The following MERTK variants were observed in gnomAD, a reference collection of about 807,000 sequenced individuals.
MERTK encodes MER proto-oncogene, tyrosine kinase, also known as tyrosine-protein kinase Mer.
A neutral mutation model predicts 99.3 loss-of-function variants in MERTK; 69 were observed. The ratio of observed to expected loss-of-function variants is 0.70; its 90% CI spans 0.57 to 0.85. The LOEUF is 0.85. Ranked by LOEUF, MERTK falls within the 40% of genes least tolerant of loss-of-function variation. The pLI is 0.00. For synonymous variants in MERTK, 426 were observed against 467.6 expected, an observed-to-expected ratio of 0.91 and a Z score of 1.15; for missense variants, 1,125 against 1,249.4, an observed-to-expected ratio of 0.90 and a Z score of 1.50.
At chr2:111,947,297 A>AAAAATT in intron 3 of MERTK, 97 bp from the exon 4 acceptor site, 2 of 1,222,120 alleles carry the variant, frequency 1.6e-6, no homozygotes, top group Non-Finnish European at 2.4e-6. Flanking sequence ...AAAAAAAGAA[A>AAAAATT]TCTATTGCCA....
intron 2 of MERTK, among the ~76,000 whole-genome samples, chr2:111,931,470 G>A (rs1396458783): frequency 1.6e-4 from 24 of 152,136 alleles, no homozygotes; most frequent in Admixed American, 1.5e-3. Flanking sequence ...GGCGGATCAC[G>A]AGGTCAAGAG....
chr2:111,976,522 CTGTGTGTGTGTGTGTGTGTGTGTGTG>C (rs70962971), intron 7 of MERTK, among the ~76,000 whole-genome samples: 129 of 136,786 alleles, frequency 9.4e-4, no homozygotes, highest in African/African-American at 3.5e-3. Context: ...TGACAAAAAC[CTGTGTGTGTGTGTGTGTGTGTGTGTG>C]TGTGTGTGTG....
At chr2:111,926,930 G>A (rs2104683982) in intron 1 of MERTK, among the ~76,000 whole-genome samples, 1 of 152,310 alleles carries the variant, frequency 6.6e-6, no homozygotes, top group South Asian at 2.1e-4. Context: ...TGAGTGACTG[G>A]AGAGGCAATG....
chr2:111,925,308 T>A (rs1684541173), intron 1 of MERTK, among the ~76,000 whole-genome samples: 1 of 76,450 alleles, frequency 1.3e-5, no homozygotes, highest in Non-Finnish European at 2.9e-5. Flanking sequence ...TTTTTTTTTT[T>A]TTTTTTTTTT....
In MERTK at chr2:111,947,333, T is replaced by G. The variant is rs998081062; in HGVS notation, c.584-61T>G. On this transcript the variant is annotated intron_variant, in intron 3 of 18. Transcript: ENST00000295408. ...AGTTCTAGTCCAGTTTCCATTCCCC[T>G]TTGGGCTCTGTCTCTGTTTTCAGAT... is the stretch of plus-strand genomic sequence containing the variant. 4 of 1,373,142 alleles carry G rather than the reference T, an allele frequency of 2.9e-6. 1 individual carries two copies. The highest frequency in any genetic ancestry group is 3.8e-5 in the Admixed American group (2 of 52,192). The allele number at this position is 1,373,142 out of a possible 1,614,324, so 85.1% of individuals were successfully genotyped here.
chr2:111,906,363 G>A (rs1684136593), intron 1 of MERTK, among the ~76,000 whole-genome samples: 1 of 152,218 alleles, frequency 6.6e-6, no homozygotes, highest in Admixed American at 6.5e-5. Context: ...TTTGGAGAAG[G>A]AATTGTTTTG....
chr2:111,988,103 G>A (rs975832648), intron 8 of MERTK, among the ~76,000 whole-genome samples: 20 of 151,748 alleles, frequency 1.3e-4, no homozygotes, highest in Non-Finnish European at 1.0e-4. Context: ...GTTCTTTGGA[G>A]ACTCAGGGAA....
intron 4 of MERTK, among the ~76,000 whole-genome samples, chr2:111,956,012 A>G (rs946959812): frequency 6.6e-5 from 10 of 152,020 alleles, no homozygotes; most frequent in Admixed American, 4.6e-4. Flanking sequence ...AGATATACCT[A>G]ATGTAAATGA....
chr2:111,993,788 G>A (rs1160948395), intron 8 of MERTK, among the ~76,000 whole-genome samples: 2 of 152,294 alleles, frequency 1.3e-5, no homozygotes, highest in African/African-American at 4.8e-5. Context: ...CCCTCTTCCA[G>A]GTAGATTTTA....
chr2:111,929,580 ATATT>A, intron 2 of MERTK, 40 bp downstream of exon 2: 28 of 1,091,968 alleles, frequency 2.6e-5, no homozygotes, highest in Middle Eastern at 2.7e-4. Flanking sequence ...TTTAGTTTTA[ATATT>A]TATTTATTTA....
At chr2:111,963,084 G>A (rs961459851) in intron 4 of MERTK, among the ~76,000 whole-genome samples, 2 of 151,928 alleles carry the variant, frequency 1.3e-5, no homozygotes, top group Non-Finnish European at 2.9e-5. Flanking sequence ...GTGGAGAGAA[G>A]GTCAGCAGAT....
intron 1 of MERTK, among the ~76,000 whole-genome samples, chr2:111,919,202 A>C (rs952276031): frequency 6.6e-6 from 1 of 152,102 alleles, no homozygotes; most frequent in Non-Finnish European, 1.5e-5. Flanking sequence ...GGCCCTCTGC[A>C]TGAGGATTTG....
At chr2:111,973,174 C>T (rs1676157938) in intron 6 of MERTK, among the ~76,000 whole-genome samples, 1 of 152,124 alleles carries the variant, frequency 6.6e-6, no homozygotes, top group Non-Finnish European at 1.5e-5. Context: ...ACTCTGTTTT[C>T]CTCTAGGAAC....
At chr2:111,974,025 A>AGTGTG (rs1676182012) in intron 6 of MERTK, among the ~76,000 whole-genome samples, 1 of 149,544 alleles carries the variant, frequency 6.7e-6, no homozygotes, top group Non-Finnish European at 1.5e-5. Context: ...AAGAATCTAC[A>AGTGTG]TTTCCTGTGT....
intron 8 of MERTK, among the ~76,000 whole-genome samples, chr2:111,988,181 C>T (rs183598981): frequency 2.0e-5 from 3 of 152,202 alleles, no homozygotes; most frequent in Admixed American, 6.5e-5. Flanking sequence ...AGCTATGTGC[C>T]TGGATGTTGG....
chr2:111,946,669 A>G (rs1289343566), intron 3 of MERTK, among the ~76,000 whole-genome samples: 2 of 152,206 alleles, frequency 1.3e-5, no homozygotes, highest in Non-Finnish European at 2.9e-5. Flanking sequence ...ACATAATAGA[A>G]TGTCTTCGTA....
intron 18 of MERTK, among the ~76,000 whole-genome samples, chr2:112,024,208 A>G (rs1457493982): frequency 2.0e-5 from 3 of 152,206 alleles, no homozygotes; most frequent in Non-Finnish European, 4.4e-5. Context: ...ATTTCAGTCA[A>G]ACAATGTTGA....
At chr2:111,942,012 C>G (rs1329553926) in intron 2 of MERTK, among the ~76,000 whole-genome samples, 1 of 152,198 alleles carries the variant, frequency 6.6e-6, no homozygotes, top group Non-Finnish European at 1.5e-5. Flanking sequence ...GGCTCTGCAC[C>G]TCCGCTTTGT....
intron 1 of MERTK, among the ~76,000 whole-genome samples, chr2:111,904,764 TTAGAG>T (rs2104659318): frequency 1.3e-5 from 2 of 152,338 alleles, no homozygotes; most frequent in South Asian, 4.1e-4. Flanking sequence ...GCTTTGGTTC[TTAGAG>T]TAGATTCCGT....
Sources: gnomAD v4.1 joint callset for allele counts (sites outside exome capture counted in the v4.1 genomes callset) on GRCh38, gnomAD v4.1.1 for gene constraint, MANE v1.5 for transcripts, NCBI Gene and HGNC (gene_info 2026-07-23, HGNC 2026-07-21) for gene names.